The following SLC4A10 variants were observed in gnomAD, a reference collection of about 807,000 sequenced individuals.
The protein encoded by SLC4A10 is solute carrier family 4 member 10.
In SLC4A10, 42 loss-of-function variants were observed where a neutral mutation model predicts 137.7. The observed-to-expected ratio is 0.30, with a 90% CI of 0.24 to 0.39. The LOEUF (loss-of-function observed/expected upper bound fraction) is 0.39, where lower values mean the gene tolerates loss of function less well. Among genes scored for constraint, SLC4A10 ranks in the 10% least tolerant of loss-of-function variants. The pLI, the probability that SLC4A10 is intolerant of heterozygous loss-of-function variation, is 1.00. For synonymous variants in SLC4A10, 474 were observed against 464.1 expected (o/e 1.02, Z -0.27); for missense variants, 925 against 1,355.0 (o/e 0.68, Z 4.98).
intron 23 of SLC4A10, among the ~76,000 whole-genome samples, chr2:161,970,759 T>C (rs1346216479): frequency 1.3e-5 from 2 of 152,240 alleles, no homozygotes; most frequent in African/African-American, 4.8e-5. Flanking sequence ...TTGTTAGGTA[T>C]CGTGATATAT....
At chr2:161,626,700 T>C (rs1441442285) in intron 1 of SLC4A10, among the ~76,000 whole-genome samples, 2 of 152,142 alleles carry the variant, frequency 1.3e-5, no homozygotes, top group East Asian at 1.9e-4. Context: ...AGGTGAGAAA[T>C]TGAGGCACAG....
At chr2:161,737,059 G>A (rs868457213) in intron 1 of SLC4A10, among the ~76,000 whole-genome samples, 2 of 151,490 alleles carry the variant, frequency 1.3e-5, no homozygotes, top group Non-Finnish European at 2.9e-5. Flanking sequence ...GTGTCTCACC[G>A]TGTTACCCAG....
At chr2:161,968,558 C>T (rs895043582) in intron 23 of SLC4A10, among the ~76,000 whole-genome samples, 1 of 152,152 alleles carries the variant, frequency 6.6e-6, no homozygotes, top group African/African-American at 2.4e-5. Flanking sequence ...CCTTGCAGTA[C>T]ATTAACTAGG....
At chr2:161,638,127 A>G (rs571764723) in intron 1 of SLC4A10, among the ~76,000 whole-genome samples, 4 of 152,210 alleles carry the variant, frequency 2.6e-5, no homozygotes, top group South Asian at 2.1e-4. Flanking sequence ...GAAGCTTTTC[A>G]GCTTAATGTA....
chr2:161,953,591 G>T (rs1012485946), intron 19 of SLC4A10, among the ~76,000 whole-genome samples: 30 of 151,742 alleles, frequency 2.0e-4, no homozygotes, highest in African/African-American at 6.6e-4. Flanking sequence ...CTGGGCGACA[G>T]GGTGAGACTC....
At chr2:161,820,288 A>T (rs2057502746) in intron 3 of SLC4A10, among the ~76,000 whole-genome samples, 1 of 152,224 alleles carries the variant, frequency 6.6e-6, no homozygotes, top group Non-Finnish European at 1.5e-5. Context: ...GTGCTATATG[A>T]GAATATCAAG....
intron 1 of SLC4A10, among the ~76,000 whole-genome samples, chr2:161,704,937 A>G (rs1268255325): frequency 6.6e-6 from 1 of 151,692 alleles, no homozygotes; most frequent in Non-Finnish European, 1.5e-5. Context: ...TTAAGACTCA[A>G]TACATTTTGC....
At chr2:161,928,288 G>C (rs992280735) in intron 15 of SLC4A10, among the ~76,000 whole-genome samples, 7 of 146,882 alleles carry the variant, frequency 4.8e-5, no homozygotes, top group East Asian at 2.0e-4. Context: ...AACCAAACAC[G>C]GCATATTCTC....
intron 1 of SLC4A10, among the ~76,000 whole-genome samples, chr2:161,770,513 G>T (rs2051455567): frequency 6.6e-6 from 1 of 151,778 alleles, no homozygotes; most frequent in Non-Finnish European, 1.5e-5. Flanking sequence ...GCTTTCAAGA[G>T]ATTAGATCCC....
chr2:161,873,798 C>A, intron 7 of SLC4A10, 118 bp from the exon 8 acceptor site: 2 of 993,878 alleles, frequency 2.0e-6, no homozygotes, highest in East Asian at 2.7e-5. Context: ...TTTCAGAATC[C>A]CTCTGACAAT....
intron 1 of SLC4A10, among the ~76,000 whole-genome samples, chr2:161,722,284 T>C (rs375734932): frequency 1.4e-4 from 22 of 152,322 alleles, no homozygotes; most frequent in African/African-American, 5.1e-4. Flanking sequence ...GTTTTCAGAA[T>C]GTTTGCATTG....
intron 23 of SLC4A10, among the ~76,000 whole-genome samples, chr2:161,974,011 C>A (rs1698984829): frequency 6.6e-6 from 1 of 152,050 alleles, no homozygotes; most frequent in Non-Finnish European, 1.5e-5. Context: ...TATTGAGTGA[C>A]ATGAAGGAGA....
At chr2:161,975,759 G>T (rs544411818) in intron 24 of SLC4A10, among the ~76,000 whole-genome samples, 23 of 152,336 alleles carry the variant, frequency 1.5e-4, no homozygotes, top group Non-Finnish European at 2.4e-4. Context: ...AAGGGGCAAG[G>T]TTGCTCCATG....
chr2:161,669,645 A>G (rs1288141429), intron 1 of SLC4A10, among the ~76,000 whole-genome samples: 1 of 152,070 alleles, frequency 6.6e-6, no homozygotes, highest in Non-Finnish European at 1.5e-5. Flanking sequence ...CATGTGGTAT[A>G]TAAACATAGA....
At chr2:161,720,735 A>G (rs1362991083) in intron 1 of SLC4A10, among the ~76,000 whole-genome samples, 2 of 150,454 alleles carry the variant, frequency 1.3e-5, no homozygotes, top group African/African-American at 4.9e-5. Context: ...TGCTTGGTAA[A>G]TTTTCCTCCA....
intron 1 of SLC4A10, among the ~76,000 whole-genome samples, chr2:161,639,774 C>G (rs529751598): frequency 6.6e-6 from 1 of 152,032 alleles, no homozygotes; most frequent in South Asian, 2.1e-4. Context: ...CTAGCCAGAG[C>G]AATTAGGCAA....
chr2:161,760,913 T>TAC lies in SLC4A10; in HGVS notation c.49-10051_49-10050dup, dbSNP rs1197160368. 6.6e-5 allele frequency among the ~76,000 whole-genome samples: 10 copies of TAC among 151,702 alleles called. No homozygotes were observed. In the East Asian group the frequency reaches 7.7e-4, roughly 12 times the overall value. On this transcript the variant is annotated intron_variant, in intron 1 of 26. Transcript: ENST00000446997. The stretch of plus-strand genomic sequence containing the variant: ...TATAACATACATAGGTATGTATCTA[T>TAC]ACACACACACCCCACACACACACCA...
chr2:161,736,380 A>T (rs1250129164), intron 1 of SLC4A10, among the ~76,000 whole-genome samples: 2 of 152,192 alleles, frequency 1.3e-5, no homozygotes, highest in African/African-American at 4.8e-5. Flanking sequence ...CATTAAACAA[A>T]TGTAAGACTT....
At chr2:161,917,594 A>G (rs1687357721) in intron 15 of SLC4A10, among the ~76,000 whole-genome samples, 2 of 151,354 alleles carry the variant, frequency 1.3e-5, no homozygotes. Context: ...AAAAAAAAAG[A>G]AAGAAAGAGA....
Sources: allele counts gnomAD v4.1 joint callset (sites outside exome capture counted in the v4.1 genomes callset), GRCh38; gene constraint gnomAD v4.1.1; transcripts MANE v1.5; gene names NCBI Gene and HGNC (gene_info 2026-07-23, HGNC 2026-07-21).